PDE4D: variants seen among roughly 807,000 people sequenced by gnomAD.
PDE4D encodes the protein phosphodiesterase 4D.
PDE4D carries 24 observed loss-of-function variants against 87.4 expected under a neutral mutation model. The ratio of observed to expected loss-of-function variants is 0.27; its 90% CI spans 0.20 to 0.39. The LOEUF is 0.39. Ranked by LOEUF, PDE4D falls within the 10% of genes least tolerant of loss-of-function variation. PDE4D has a pLI of 1.00. For missense variants in PDE4D, 714 were observed against 1,041.0 expected (o/e 0.69, Z 4.32); for synonymous variants, 384 against 383.2 (o/e 1.00, Z -0.02).
At chr5:59,227,743 T>C (rs1356526025) in intron 1 of PDE4D, among the ~76,000 whole-genome samples, 1 of 152,052 alleles carries the variant, frequency 6.6e-6, no homozygotes, top group Non-Finnish European at 1.5e-5. Flanking sequence ...AGTCAAAAAA[T>C]AACAGATGCT....
intron 1 of PDE4D, among the ~76,000 whole-genome samples, chr5:60,300,234 T>C (rs75184324): frequency 0.097 from 14,799 of 152,244 alleles, 867 homozygotes; most frequent in African/African-American, 0.15. Flanking sequence ...TGCCCACTTT[T>C]TAATTGGGCC....
chr5:60,464,503 A>T (rs1402604741), intron 1 of PDE4D, among the ~76,000 whole-genome samples: 1 of 152,044 alleles, frequency 6.6e-6, no homozygotes, highest in Non-Finnish European at 1.5e-5. Context: ...AGTTAAAAAA[A>T]CTCTACTCCT....
intron 1 of PDE4D, among the ~76,000 whole-genome samples, chr5:59,656,798 T>C (rs1255360458): frequency 6.6e-6 from 1 of 152,242 alleles, no homozygotes; most frequent in African/African-American, 2.4e-5. Context: ...AAATAAATTA[T>C]ACTTTCTGAG....
At chr5:59,861,697 G>A (rs1325550546) in intron 1 of PDE4D, among the ~76,000 whole-genome samples, 2 of 152,196 alleles carry the variant, frequency 1.3e-5, no homozygotes, top group Non-Finnish European at 2.9e-5. Flanking sequence ...TTCACCCTGT[G>A]AAAACACATA....
At chr5:59,689,173 C>T (rs1019596924) in intron 1 of PDE4D, among the ~76,000 whole-genome samples, 1 of 152,160 alleles carries the variant, frequency 6.6e-6, no homozygotes, top group African/African-American at 2.4e-5. Flanking sequence ...CCTTCTGAAA[C>T]TATTCCAATC....
chr5:59,957,255 G>A (rs751102625), intron 3 of PDE4D, among the ~76,000 whole-genome samples: 11 of 151,924 alleles, frequency 7.2e-5, no homozygotes, highest in Admixed American at 1.3e-4. Flanking sequence ...CTTAGTTGTT[G>A]TGCTTTGCTT....
intron 1 of PDE4D, among the ~76,000 whole-genome samples, chr5:59,850,144 C>T (rs1744463711): frequency 6.6e-6 from 1 of 152,004 alleles, no homozygotes; most frequent in Non-Finnish European, 1.5e-5. Flanking sequence ...CTTCCTCCCT[C>T]TACTCTTTAA....
intron 1 of PDE4D, among the ~76,000 whole-genome samples, chr5:60,360,362 CAA>C (rs1759958234): frequency 6.6e-6 from 1 of 152,168 alleles, no homozygotes; most frequent in African/African-American, 2.4e-5. Flanking sequence ...AGAAAATCAT[CAA>C]GAGTAAATTT....
At chr5:59,040,189 A>G (rs2153395175) in intron 5 of PDE4D, 1 of 152,376 alleles carries the variant, frequency 6.6e-6, no homozygotes. Context: ...TTAAGACCGC[A>G]TTCTTTTTCT....
chr5:59,847,122 GAA>G (rs1272615969), intron 1 of PDE4D, among the ~76,000 whole-genome samples: 1 of 151,966 alleles, frequency 6.6e-6, no homozygotes, highest in Non-Finnish European at 1.5e-5. Context: ...GCTGCTCAAG[GAA>G]AGACAATTGA....
chr5:59,901,455 C>T (rs1237817774), intron 3 of PDE4D, among the ~76,000 whole-genome samples: 1 of 151,988 alleles, frequency 6.6e-6, no homozygotes, highest in African/African-American at 2.4e-5. Context: ...ATAAACTATA[C>T]TAACATTTGG....
At chr5:59,398,012 C>T (rs201573966) in intron 1 of PDE4D, among the ~76,000 whole-genome samples, 5,753 of 78,294 alleles carry the variant, frequency 0.073, 214 homozygotes, top group Middle Eastern at 0.1. Context: ...ACACATACAC[C>T]CTCCCAAGAC....
chr5:59,012,313 A>G (rs1422918965), intron 6 of PDE4D, among the ~76,000 whole-genome samples: 1 of 152,212 alleles, frequency 6.6e-6, no homozygotes, highest in Non-Finnish European at 1.5e-5. Flanking sequence ...TATTAACCTT[A>G]TATGTAAATG....
At chr5:59,969,752 C>A (rs1760490449) in intron 3 of PDE4D, among the ~76,000 whole-genome samples, 1 of 152,150 alleles carries the variant, frequency 6.6e-6, no homozygotes, top group African/African-American at 2.4e-5. Flanking sequence ...CCACTTTGCT[C>A]TGCAGTTCTC....
At chr5:60,149,183 A>G (rs1382186917) in intron 2 of PDE4D, among the ~76,000 whole-genome samples, 2 of 152,196 alleles carry the variant, frequency 1.3e-5, no homozygotes, top group African/African-American at 4.8e-5. Flanking sequence ...TTCTGTTGCT[A>G]TAACAGAATA....
At chr5:60,051,385 A>C (rs953042594) in intron 2 of PDE4D, among the ~76,000 whole-genome samples, 5 of 152,230 alleles carry the variant, frequency 3.3e-5, no homozygotes, top group Admixed American at 1.3e-4. Flanking sequence ...TAAGAAACTC[A>C]CTCAAAACCA....
At chr5:60,087,348 T>C (rs1423352511) in intron 2 of PDE4D, among the ~76,000 whole-genome samples, 2 of 152,084 alleles carry the variant, frequency 1.3e-5, no homozygotes, top group African/African-American at 4.8e-5. Flanking sequence ...GACACAAGGA[T>C]TGTGGAAACT....
intron 1 of PDE4D, among the ~76,000 whole-genome samples, chr5:59,691,431 G>C (rs1307525395): frequency 6.6e-6 from 1 of 152,078 alleles, no homozygotes; most frequent in Non-Finnish European, 1.5e-5. Context: ...GGACATGGAT[G>C]AAGCTGGAAA....
At chr5:60,290,157 C>T (rs1752764089) in intron 1 of PDE4D, among the ~76,000 whole-genome samples, 1 of 152,088 alleles carries the variant, frequency 6.6e-6, no homozygotes, top group Non-Finnish European at 1.5e-5. Context: ...TCTGACCAGC[C>T]ATTCATATAA....
Sources: allele counts gnomAD v4.1 joint callset (sites outside exome capture counted in the v4.1 genomes callset), GRCh38; gene constraint gnomAD v4.1.1; transcripts MANE v1.5; gene names NCBI Gene and HGNC (gene_info 2026-07-23, HGNC 2026-07-21).